DPYSL5: variants seen among roughly 807,000 people sequenced by gnomAD.
DPYSL5 encodes dihydropyrimidinase-related protein 5.
DPYSL5 carries 9 observed loss-of-function variants against 58.4 expected under a neutral mutation model. That is an observed-to-expected ratio of 0.15 (90% confidence interval 0.09 to 0.27). The LOEUF is 0.27. DPYSL5 is among the 10% of genes least tolerant of loss of function. The pLI, the probability that DPYSL5 is intolerant of heterozygous loss-of-function variation, is 1.00. For synonymous variants in DPYSL5, 293 were observed against 301.9 expected, an observed-to-expected ratio of 0.97 and a Z score of 0.31; for missense variants, 499 against 770.6, an observed-to-expected ratio of 0.65 and a Z score of 4.17.
At position 26,849,646 on chromosome 2, in the gene DPYSL5, T is replaced by A. The variant is rs1162134113; in HGVS notation, c.-5+1392T>A. On this transcript the variant is annotated intron_variant, in intron 1 of 12. Transcript: ENST00000288699. This position sits in a 1 kb window ranked among gnomAD's most constrained non-coding sequence, Gnocchi z 6.2. Reference sequence around the variant, plus strand: ...GCAGGTGCTGCCAGGGAGGCGGATCTCCCTTCGGGGAGACCCGGAGAACAA... The same window carrying A: ...GCAGGTGCTGCCAGGGAGGCGGATCACCCTTCGGGGAGACCCGGAGAACAA... Among the ~76,000 whole-genome samples, 2 of 152,146 alleles carry A rather than the reference T, an allele frequency of 1.3e-5. No homozygotes were observed. Among genetic ancestry groups the A allele is most frequent in the Non-Finnish European group, 2.9e-5 (2 of 68,016 alleles).
At position 26,931,769 on chromosome 2, in the gene DPYSL5, A is replaced by G. The variant is rs1050350367; in HGVS notation, c.714+85A>G. 95 of 1,460,936 alleles carry G rather than the reference A, an allele frequency of 6.5e-5. 1 individual carries two copies. Among genetic ancestry groups the G allele is most frequent in the Non-Finnish European group, 8.8e-5 (92 of 1,045,746 alleles). 90.5% of individuals were successfully genotyped at this position (1,460,936 alleles called of 1,614,324 possible). A position where few individuals can be genotyped will look rare whatever the true frequency, so the allele number is the denominator to read the frequency against. ...ATGTCTGTAATCCCAGCACTTTGGG[A>G]GGCCGAGGTGCGTGGATCACCTGAG... is the stretch of plus-strand genomic sequence containing the variant. On this transcript the variant is annotated intron_variant, in intron 6 of 12. Transcript: ENST00000288699.
At chr2:26,863,658 A>G (rs1666072876) in intron 1 of DPYSL5, among the ~76,000 whole-genome samples, 2 of 152,092 alleles carry the variant, frequency 1.3e-5, no homozygotes, top group South Asian at 4.2e-4. Flanking sequence ...GTCTAAATTT[A>G]CCACATTTTT....
intron 1 of DPYSL5, among the ~76,000 whole-genome samples, chr2:26,855,145 C>T (rs949527194): frequency 2.0e-5 from 3 of 151,674 alleles, no homozygotes; most frequent in East Asian, 4.0e-4. Context: ...ATCATCTGGC[C>T]CATGCTGGGC....
In DPYSL5 at chr2:26,888,388, A is replaced by G. The variant is rs560785250; in HGVS notation, c.-4-10108A>G. 1.3e-4 allele frequency among the ~76,000 whole-genome samples: 20 copies of G among 152,078 alleles called. No individual in the cohort carries two copies. The East Asian group carries it at 2.7e-3, about 21-fold the overall frequency. ...CAGGTTCAAGTGATTCTCCTTCCTC[A>G]GCCTCCCGAGTAGCTGGGATTACAG... is the stretch of plus-strand genomic sequence containing the variant. On this transcript the variant is annotated intron_variant, in intron 1 of 12. Coordinates refer to ENST00000288699, the MANE Select transcript of DPYSL5 (RefSeq NM_020134.4).
intron 5 of DPYSL5, among the ~76,000 whole-genome samples, chr2:26,929,164 G>A (rs1267498656): frequency 1.3e-5 from 2 of 152,128 alleles, no homozygotes; most frequent in Non-Finnish European, 2.9e-5. Context: ...GAGGGATCTA[G>A]GTTGCACGCT....
At position 26,932,048 on chromosome 2, in the gene DPYSL5, G is replaced by GAAA. The variant is rs1377724551; in HGVS notation, c.714+364_714+365insAAA. 5.9e-4 allele frequency among the ~76,000 whole-genome samples: 28 copies of GAAA among 47,624 alleles called. 1 individual carries two copies. The highest frequency in any genetic ancestry group is 2.7e-3 in the African/African-American group (27 of 9,970). The allele number at this position is 47,624 out of a possible 152,430, so 31.2% of individuals were successfully genotyped here. ...AAAGAAAGAAAAGAAAAGAAAGAAA[G>GAAA]GAAAGAAAGAAAGAAAGAAAGAAAG... On this transcript the variant is annotated intron_variant, in intron 6 of 12. Transcript: ENST00000288699.
At position 26,942,109 on chromosome 2, in the gene DPYSL5, G is replaced by A. The variant is rs773363999; in HGVS notation, c.1232+17G>A. On this transcript the variant is annotated intron_variant, in intron 10 of 12. Coordinates refer to ENST00000288699, the MANE Select transcript of DPYSL5 (RefSeq NM_020134.4). This position sits in a 1 kb window ranked among gnomAD's most constrained non-coding sequence, Gnocchi z 5.9. ...AGCCACAAAGTAAAGTTTGTTGCTC[G>A]TCCCCAGGGCTAGAGGGGCTTGGGA... 3.8e-5 allele frequency: 61 copies of A among 1,613,880 alleles called. No homozygotes were observed. The Admixed American group carries it at 4.5e-4, about 12-fold the overall frequency.
rs1268178526 is a variant in DPYSL5, at chr2:26,882,104, AAAAAAAAAG to A, written c.-4-16388_-4-16380del. On this transcript the variant is annotated intron_variant, in intron 1 of 12. Coordinates refer to ENST00000288699, the MANE Select transcript of DPYSL5 (RefSeq NM_020134.4). ...AGACTCCATCTCAAAAAAAAAAAAA[AAAAAAAAAG>A]AAAGAAAGGAAATTGGTTTGTCCCA... Among the ~76,000 whole-genome samples, 3 of 151,566 alleles carry A rather than the reference AAAAAAAAAG, an allele frequency of 2.0e-5. No homozygotes were observed. The East Asian group carries it at 5.8e-4, about 29-fold the overall frequency.
intron 2 of DPYSL5, among the ~76,000 whole-genome samples, chr2:26,904,553 G>C (rs752705054): frequency 2.0e-5 from 3 of 152,124 alleles, no homozygotes; most frequent in Non-Finnish European, 4.4e-5. Context: ...GAGAAGTTGG[G>C]TGACACCTTA....
intron 5 of DPYSL5, among the ~76,000 whole-genome samples, chr2:26,930,591 G>A (rs573096056): frequency 9.2e-5 from 14 of 152,206 alleles, no homozygotes; most frequent in East Asian, 1.9e-4. Context: ...GGGAGGCTGC[G>A]GCAGGAGGAT....
chr2:26,923,300 C>T (rs1157222506), intron 2 of DPYSL5, among the ~76,000 whole-genome samples: 1 of 152,178 alleles, frequency 6.6e-6, no homozygotes, highest in Admixed American at 6.5e-5. Flanking sequence ...CACTGTACTC[C>T]AGCCTGGGCA....
Position 26,934,835 on chromosome 2 carries a change from G to A in DPYSL5, c.947+101G>A. ...TCTGAGCTAGGTTTGATTTCATTGT[G>A]CCCATAGGATCATTGTGCTTTTCTT... On this transcript the variant is annotated intron_variant, in intron 8 of 12. Transcript: ENST00000288699. This position sits in a 1 kb window ranked among gnomAD's most constrained non-coding sequence, Gnocchi z 4.3. 4.8e-6 allele frequency: 7 copies of A among 1,464,498 alleles called. No individual in the cohort carries two copies. In the South Asian group the frequency reaches 7.6e-5, roughly 16 times the overall value. 90.7% of individuals were successfully genotyped at this position (1,464,498 alleles called of 1,614,324 possible).
At chr2:26,922,967 C>G (rs1461029851) in intron 2 of DPYSL5, among the ~76,000 whole-genome samples, 1 of 152,234 alleles carries the variant, frequency 6.6e-6, no homozygotes, top group Non-Finnish European at 1.5e-5. Context: ...AACATTCTCG[C>G]TGGCCCAGCC....
At chr2:26,895,211 C>A (rs1376890404) in intron 1 of DPYSL5, among the ~76,000 whole-genome samples, 4 of 152,280 alleles carry the variant, frequency 2.6e-5, no homozygotes, top group Admixed American at 2.6e-4. Context: ...TTTGCTTTAG[C>A]TGTTCTAGTT....
At chr2:26,929,665 C>T (rs1664922640) in intron 5 of DPYSL5, among the ~76,000 whole-genome samples, 2 of 152,328 alleles carry the variant, frequency 1.3e-5, no homozygotes, top group African/African-American at 4.8e-5. Context: ...TGGGGACTGC[C>T]GCTTTGGACC....
intron 1 of DPYSL5, among the ~76,000 whole-genome samples, chr2:26,879,709 T>C (rs1021180059): frequency 1.3e-5 from 2 of 152,148 alleles, no homozygotes; most frequent in African/African-American, 4.8e-5. Flanking sequence ...CCTCATTACC[T>C]TGGGTGGTGG....
At chr2:26,867,560 A>G (rs940221105) in intron 1 of DPYSL5, among the ~76,000 whole-genome samples, 12 of 146,518 alleles carry the variant, frequency 8.2e-5, no homozygotes, top group Middle Eastern at 3.7e-3. Context: ...GGTTCACGCC[A>G]TTCTCCTGCC....
At chr2:26,916,999 G>C (rs1411112639) in intron 2 of DPYSL5, among the ~76,000 whole-genome samples, 1 of 152,166 alleles carries the variant, frequency 6.6e-6, no homozygotes, top group African/African-American at 2.4e-5. Flanking sequence ...CTCCTACTAT[G>C]TGCAGGCACT....
At chr2:26,894,226 C>G (rs937112583) in intron 1 of DPYSL5, among the ~76,000 whole-genome samples, 2 of 152,054 alleles carry the variant, frequency 1.3e-5, no homozygotes, top group Non-Finnish European at 2.9e-5. Flanking sequence ...GCACTGGCCC[C>G]ATTTCCTATG....
Sources: allele counts gnomAD v4.1 joint callset (sites outside exome capture counted in the v4.1 genomes callset), GRCh38; gene constraint gnomAD v4.1.1; non-coding constraint Gnocchi (gnomAD v3.1); transcripts MANE v1.5; gene names NCBI Gene and HGNC (gene_info 2026-07-23, HGNC 2026-07-21).